The following GATA4 variants were observed in gnomAD, a reference collection of about 807,000 sequenced individuals.
The protein encoded by GATA4 is transcription factor GATA-4.
GATA4 carries 7 observed loss-of-function variants against 37.9 expected under a neutral mutation model. The observed-to-expected ratio is 0.18, with a 90% confidence interval of 0.11 to 0.35. The LOEUF is 0.35. Among genes scored for constraint, GATA4 ranks in the 10% least tolerant of loss-of-function variants. GATA4 has a pLI of 1.00. For missense variants in GATA4, 647 were observed against 653.0 expected, an observed-to-expected ratio of 0.99 and a Z score of 0.10; for synonymous variants, 372 against 292.6, an observed-to-expected ratio of 1.27 and a Z score of -2.77.
chr8:11,723,984 C>G (rs1800799026), intron 2 of GATA4, among the ~76,000 whole-genome samples: 1 of 152,212 alleles, frequency 6.6e-6, no homozygotes, highest in African/African-American at 2.4e-5. Flanking sequence ...ATCCCCTTCC[C>G]TCCAGCCTCA....
intron 2 of GATA4, among the ~76,000 whole-genome samples, chr8:11,715,196 GAA>G (rs1478639448): frequency 6.6e-6 from 1 of 152,028 alleles, no homozygotes; most frequent in African/African-American, 2.4e-5. Flanking sequence ...TTAAAAAAAA[GAA>G]AGAAAAAGAT....
At chr8:11,688,596 T>C (rs936350293), upstream of GATA4, among the ~76,000 whole-genome samples, 12 of 152,208 alleles carry the variant, frequency 7.9e-5, no homozygotes, top group African/African-American at 2.9e-4. Flanking sequence ...CGTTATGTGA[T>C]GCCCAGAGTC....
intron 1 of GATA4, among the ~76,000 whole-genome samples, chr8:11,682,204 A>T (rs527868995): frequency 6.6e-6 from 1 of 152,232 alleles, no homozygotes; most frequent in African/African-American, 2.4e-5. Flanking sequence ...AGAATTTCTT[A>T]AATGTAGAAT....
chr8:11,715,063 C>T (rs1800377352), intron 2 of GATA4, among the ~76,000 whole-genome samples: 3 of 152,210 alleles, frequency 2.0e-5, no homozygotes, highest in South Asian at 2.1e-4. Flanking sequence ...TTTTTATGCA[C>T]GTGGCACATA....
upstream of GATA4, among the ~76,000 whole-genome samples, chr8:11,703,729 G>T (rs571854668): frequency 6.6e-6 from 1 of 152,206 alleles, no homozygotes; most frequent in Non-Finnish European, 1.5e-5. Flanking sequence ...GGAATCCGGG[G>T]CTGGGAGGAT....
chr8:11,756,563 G>A (rs561055339), intron 5 of GATA4: 2 of 349,778 alleles, frequency 5.7e-6, no homozygotes, highest in African/African-American at 2.1e-5. Context: ...TGATATTCAC[G>A]TGTTTTGCTG....
intron 2 of GATA4, among the ~76,000 whole-genome samples, chr8:11,713,524 G>A (rs1034450772): frequency 6.6e-6 from 1 of 152,040 alleles, no homozygotes; most frequent in African/African-American, 2.4e-5. Context: ...GGATGGAAGA[G>A]GGTTCTGGAA....
At chr8:11,701,499 C>T (rs1799675296), upstream of GATA4, among the ~76,000 whole-genome samples, 1 of 152,136 alleles carries the variant, frequency 6.6e-6, no homozygotes, top group South Asian at 2.1e-4. Flanking sequence ...CTCCTCCAGC[C>T]GGCGGCCCAG....
intron 2 of GATA4, among the ~76,000 whole-genome samples, chr8:11,747,503 T>G (rs900918404): frequency 1.2e-4 from 18 of 152,236 alleles, no homozygotes; most frequent in African/African-American, 4.3e-4. Flanking sequence ...CTTTATTTTA[T>G]ATACCAATAA....
chr8:11,740,995 A>G (rs1249436631), intron 2 of GATA4, among the ~76,000 whole-genome samples: 1 of 151,894 alleles, frequency 6.6e-6, no homozygotes, highest in Non-Finnish European at 1.5e-5. Flanking sequence ...CGGCCTCCCA[A>G]AGTGCTGCGA....
intron 1 of GATA4, among the ~76,000 whole-genome samples, chr8:11,695,839 A>G (rs1353085577): frequency 6.6e-6 from 1 of 152,182 alleles, no homozygotes; most frequent in South Asian, 2.1e-4. Flanking sequence ...CATGCTCAAG[A>G]TAGGCACTGG....
Position 11,692,846 on chromosome 8 carries a change from G to C in GATA4, c.-729+186G>C, listed in dbSNP as rs1427953993. 8.6e-5 allele frequency: 84 copies of C among 980,198 alleles called. No homozygotes were observed. In the African/African-American group the frequency reaches 1.4e-3, roughly 17 times the overall value. The allele number at this position is 980,198 out of a possible 1,614,324, so 60.7% of individuals were successfully genotyped here. On this transcript the variant is annotated intron_variant, in intron 1 of 2. Transcript: ENST00000526974. ...CGGGCAGAGGCGGGGGCGGCCGGCC[G>C]GGGGCTGACCCCGAGCGCCGCCGAG...
At chr8:11,696,526 A>T (rs1411411852) in intron 1 of GATA4, among the ~76,000 whole-genome samples, 1 of 152,150 alleles carries the variant, frequency 6.6e-6, no homozygotes, top group Admixed American at 6.6e-5. Context: ...GGATCATTTG[A>T]GTGGTTTCCC....
At chr8:11,716,561 T>C (rs1210080281) in intron 2 of GATA4, among the ~76,000 whole-genome samples, 3 of 152,198 alleles carry the variant, frequency 2.0e-5, no homozygotes, top group Non-Finnish European at 2.9e-5. Flanking sequence ...GGGGGAAATC[T>C]CTACTCCTGG....
intron 2 of GATA4, among the ~76,000 whole-genome samples, chr8:11,725,307 T>A (rs1800863680): frequency 6.6e-6 from 1 of 152,236 alleles, no homozygotes; most frequent in African/African-American, 2.4e-5. Context: ...AACTTTTGAA[T>A]AGGGAGTTGA....
In GATA4 at chr8:11,736,683, T is replaced by C. The variant is rs112214903; in HGVS notation, c.617-12233T>C. Among the ~76,000 whole-genome samples the C allele has an allele frequency of 2.7e-3, 410 of 152,364 alleles. 1 individual carries two copies. The highest frequency in any genetic ancestry group is 9.1e-3 in the African/African-American group (380 of 41,588). On this transcript the variant is annotated intron_variant, in intron 2 of 6. Transcript: ENST00000532059. Reference sequence around the variant, plus strand: ...GTCAATTGCATTCCTCTGTCTTTAATGTTGGGCTTCCTCAGATTAGATTTT... The same window carrying C: ...GTCAATTGCATTCCTCTGTCTTTAACGTTGGGCTTCCTCAGATTAGATTTT...
rs538853547 is a variant in GATA4, at chr8:11,679,202, A to T, written c.-274+2139A>T. Among the ~76,000 whole-genome samples, 234 of 151,084 alleles carry T rather than the reference A, an allele frequency of 1.5e-3. 2 individuals carry two copies. The highest frequency in any genetic ancestry group is 5.4e-3 in the African/African-American group (223 of 41,254). The stretch of plus-strand genomic sequence containing the variant: ...TGCGGGGGGGGGCACTTTCGCCTGA[A>T]TTATCTAGATAAAAGAGCGACACAG... On this transcript the variant is annotated intron_variant, in intron 1 of 6. Transcript: ENST00000528712.
At chr8:11,734,015 T>C (rs760277673) in intron 2 of GATA4, among the ~76,000 whole-genome samples, 6 of 152,238 alleles carry the variant, frequency 3.9e-5, no homozygotes, top group South Asian at 2.1e-4. Context: ...AGCATACATA[T>C]AGAATTTCGG....
chr8:11,742,379 G>GT (rs201647948), intron 2 of GATA4, among the ~76,000 whole-genome samples: 21 of 93,136 alleles, frequency 2.3e-4, no homozygotes, highest in African/African-American at 4.9e-4. Flanking sequence ...TGTTTTTGGT[G>GT]TTTTGTTTTT....
Sources: gnomAD v4.1 joint callset for allele counts (sites outside exome capture counted in the v4.1 genomes callset) on GRCh38, gnomAD v4.1.1 for gene constraint, MANE v1.5 for transcripts, NCBI Gene and HGNC (gene_info 2026-07-23, HGNC 2026-07-21) for gene names.